SLC24A2: variants seen among roughly 807,000 people sequenced by gnomAD.
SLC24A2 encodes sodium/potassium/calcium exchanger 2.
A neutral mutation model predicts 62.0 loss-of-function variants in SLC24A2; 36 were observed. The ratio of observed to expected loss-of-function variants is 0.58; its 90% confidence interval spans 0.44 to 0.77. The LOEUF is 0.77. Among genes scored for constraint, SLC24A2 ranks in the 30% least tolerant of loss-of-function variants. SLC24A2 has a pLI of 0.00. For missense variants in SLC24A2, 846 were observed against 817.9 expected, an observed-to-expected ratio of 1.03 and a Z score of -0.42; for synonymous variants, 358 against 294.0, an observed-to-expected ratio of 1.22 and a Z score of -2.23.
intron 2 of SLC24A2, among the ~76,000 whole-genome samples, chr9:19,701,600 G>A (rs1159937727): frequency 6.6e-6 from 1 of 152,108 alleles, no homozygotes; most frequent in Admixed American, 6.6e-5. Flanking sequence ...GACCTTACTG[G>A]GCTAAAATAA....
intron 5 of SLC24A2, among the ~76,000 whole-genome samples, chr9:19,596,569 A>G (rs1016516567): frequency 6.6e-6 from 1 of 152,204 alleles, no homozygotes. Context: ...CCTGGAATTC[A>G]TTAATAAATA....
chr9:20,045,607 G>A, the SLC24A2 span, among the ~76,000 whole-genome samples: 80,787 of 151,508 alleles, frequency 0.53, 22,347 homozygotes, highest in East Asian at 0.78. Context: ...AATTTTTTGT[G>A]TTTTTAGTAG....
chr9:20,089,357 A>G, the SLC24A2 span, among the ~76,000 whole-genome samples: 3 of 152,050 alleles, frequency 2.0e-5, no homozygotes, highest in African/African-American at 7.3e-5. Flanking sequence ...TCTGATCACC[A>G]CAGAGGCAGA....
At chr9:20,195,141 T>C in the SLC24A2 span, among the ~76,000 whole-genome samples, 2 of 152,208 alleles carry the variant, frequency 1.3e-5, no homozygotes, top group African/African-American at 4.8e-5. Flanking sequence ...CGCAGCTGTA[T>C]AGTTTTCATA....
At chr9:20,029,341 T>C in the SLC24A2 span, among the ~76,000 whole-genome samples, 1 of 152,226 alleles carries the variant, frequency 6.6e-6, no homozygotes, top group Non-Finnish European at 1.5e-5. Flanking sequence ...CAGTAGGTGC[T>C]CTCTAATAAT....
chr9:19,846,487 C>T, the SLC24A2 span, among the ~76,000 whole-genome samples: 2 of 152,104 alleles, frequency 1.3e-5, no homozygotes, highest in African/African-American at 2.4e-5. Context: ...GGTGTAATTA[C>T]TTGTGAGGTG....
At chr9:20,213,105 G>A in the SLC24A2 span, among the ~76,000 whole-genome samples, 21,399 of 151,508 alleles carry the variant, frequency 0.14, 2,083 homozygotes, top group African/African-American at 0.24. Flanking sequence ...GGGTTGATAA[G>A]TGCAGCAAAT....
the SLC24A2 span, among the ~76,000 whole-genome samples, chr9:20,010,673 A>G: frequency 2.6e-5 from 4 of 152,070 alleles, no homozygotes; most frequent in Admixed American, 2.6e-4. Flanking sequence ...GGTTTGTTAC[A>G]TATGTATACA....
chr9:20,143,007 T>C, the SLC24A2 span, among the ~76,000 whole-genome samples: 4 of 152,208 alleles, frequency 2.6e-5, no homozygotes, highest in Non-Finnish European at 4.4e-5. Context: ...GAAACAGATA[T>C]GACTATACAC....
At chr9:19,840,651 A>G in the SLC24A2 span, among the ~76,000 whole-genome samples, 1 of 152,202 alleles carries the variant, frequency 6.6e-6, no homozygotes, top group African/African-American at 2.4e-5. Context: ...TTTACATAGG[A>G]TGAAATGTAT....
At chr9:19,627,319 T>C (rs962215737) in intron 2 of SLC24A2, among the ~76,000 whole-genome samples, 2 of 152,140 alleles carry the variant, frequency 1.3e-5, no homozygotes, top group African/African-American at 2.4e-5. Context: ...CATGAAATAT[T>C]TGAGATAGTA....
the SLC24A2 span, among the ~76,000 whole-genome samples, chr9:20,093,702 T>C: frequency 6.6e-6 from 1 of 152,292 alleles, no homozygotes; most frequent in Non-Finnish European, 1.5e-5. Flanking sequence ...CCCTTGGGGA[T>C]TGTTAATGGG....
the SLC24A2 span, among the ~76,000 whole-genome samples, chr9:19,972,509 A>C: frequency 1.3e-5 from 2 of 152,160 alleles, no homozygotes; most frequent in African/African-American, 4.8e-5. Flanking sequence ...TTTATCCTTA[A>C]AGATCAGTGC....
At chr9:20,082,323 G>C in the SLC24A2 span, among the ~76,000 whole-genome samples, 2 of 152,182 alleles carry the variant, frequency 1.3e-5, no homozygotes, top group African/African-American at 4.8e-5. Flanking sequence ...GGGAGATCCA[G>C]GTCCTTATCT....
chr9:19,824,314 A>C, the SLC24A2 span, among the ~76,000 whole-genome samples: 2 of 152,232 alleles, frequency 1.3e-5, no homozygotes, highest in African/African-American at 4.8e-5. Context: ...AAGGAACTCA[A>C]ACAAATTTAC....
In SLC24A2 at chr9:19,707,332, G is replaced by T. The variant is rs1283134671; in HGVS notation, c.930+78605C>A. The stretch of plus-strand genomic sequence containing the variant: ...AGCCGAATTCTACCAGAGGTACAAG[G>T]AGGAGCTGGTACCATTCCTTCTGAA... On this transcript the variant is annotated intron_variant, in intron 2 of 10. Transcript: ENST00000341998. Among the ~76,000 whole-genome samples, 3 of 152,316 alleles carry T rather than the reference G, an allele frequency of 2.0e-5. 1 individual carries two copies. In the South Asian group the frequency reaches 6.2e-4, roughly 32 times the overall value.
chr9:19,843,372 C>T, the SLC24A2 span, among the ~76,000 whole-genome samples: 5 of 152,088 alleles, frequency 3.3e-5, no homozygotes, highest in Non-Finnish European at 4.4e-5. Flanking sequence ...AGTAGCCAGG[C>T]GTGGTGGCGC....
At chr9:20,161,303 C>T in the SLC24A2 span, among the ~76,000 whole-genome samples, 1 of 151,272 alleles carries the variant, frequency 6.6e-6, no homozygotes, top group Non-Finnish European at 1.5e-5. Flanking sequence ...TCTAATAGAT[C>T]TTTAAAGACG....
chr9:20,225,866 C>T, the SLC24A2 span, among the ~76,000 whole-genome samples: 1 of 151,674 alleles, frequency 6.6e-6, no homozygotes, highest in Non-Finnish European at 1.5e-5. Context: ...GCATTTGTTC[C>T]TCTTGTTTAC....
Sources: gnomAD v4.1 joint callset for allele counts (sites outside exome capture counted in the v4.1 genomes callset) on GRCh38, gnomAD v4.1.1 for gene constraint, MANE v1.5 for transcripts, NCBI Gene and HGNC (gene_info 2026-07-23, HGNC 2026-07-21) for gene names.